Variants in CNTN4 observed in about 807,000 individuals in gnomAD.
CNTN4 encodes contactin-4.
CNTN4 carries 77 observed loss-of-function variants against 122.5 expected under a neutral mutation model. The ratio of observed to expected loss-of-function variants is 0.63; its 90% CI spans 0.52 to 0.76. The LOEUF is 0.76. Ranked by LOEUF, CNTN4 falls within the 30% of genes least tolerant of loss-of-function variation. The pLI is 0.00. For missense variants in CNTN4, 1,256 were observed against 1,259.1 expected (o/e 1.00, Z 0.04); for synonymous variants, 512 against 447.0 (o/e 1.15, Z -1.83).
chr3:2,119,796 G>A (rs1443391315), intron 2 of CNTN4, among the ~76,000 whole-genome samples: 2 of 151,652 alleles, frequency 1.3e-5, no homozygotes, highest in African/African-American at 4.9e-5. Context: ...GAAAAGAAGT[G>A]GATATGGAAC....
chr3:2,561,513 C>T (rs2078953283), intron 3 of CNTN4, among the ~76,000 whole-genome samples: 2 of 152,120 alleles, frequency 1.3e-5, no homozygotes, highest in South Asian at 4.1e-4. Flanking sequence ...CCCCCTTTGG[C>T]ACGGTGTGCT....
At chr3:2,412,238 A>C (rs541414897) in intron 3 of CNTN4, among the ~76,000 whole-genome samples, 1 of 152,050 alleles carries the variant, frequency 6.6e-6, no homozygotes, top group Non-Finnish European at 1.5e-5. Flanking sequence ...ATATAACTGA[A>C]GCAAATTTAC....
intron 4 of CNTN4, among the ~76,000 whole-genome samples, chr3:2,621,537 A>G (rs1170612260): frequency 6.6e-6 from 1 of 152,022 alleles, no homozygotes; most frequent in African/African-American, 2.4e-5. Context: ...TAGGAGAAAT[A>G]CCTAATGTAG....
intron 4 of CNTN4, among the ~76,000 whole-genome samples, chr3:2,609,811 TA>T (rs2081406552): frequency 6.6e-6 from 1 of 152,208 alleles, no homozygotes; most frequent in African/African-American, 2.4e-5. Context: ...AATTTTCAAA[TA>T]AATTTTTTAC....
At position 2,721,848 on chromosome 3, in the gene CNTN4, A is replaced by T. The variant is rs528696291; in HGVS notation, c.56-14367A>T. 4.6e-5 allele frequency among the ~76,000 whole-genome samples: 7 copies of T among 152,290 alleles called. 1 individual carries two copies. The South Asian group carries it at 1.2e-3, about 27-fold the overall frequency. ...TCATATGTTGAAATCCTAACCCTGAAGGTTGGGCCTTTGGGAAGGGATTAA... is the reference window on the plus strand; with the variant it reads ...TCATATGTTGAAATCCTAACCCTGATGGTTGGGCCTTTGGGAAGGGATTAA... On this transcript the variant is annotated intron_variant, in intron 4 of 24. Transcript: ENST00000418658.
At chr3:2,504,748 C>T (rs2076688744) in intron 3 of CNTN4, among the ~76,000 whole-genome samples, 1 of 152,160 alleles carries the variant, frequency 6.6e-6, no homozygotes, top group African/African-American at 2.4e-5. Context: ...ACCATACCTT[C>T]CTCCTCTATG....
At chr3:2,774,824 T>C (rs1272793192) in intron 6 of CNTN4, among the ~76,000 whole-genome samples, 1 of 152,248 alleles carries the variant, frequency 6.6e-6, no homozygotes, top group African/African-American at 2.4e-5. Context: ...TGTTTTCTTA[T>C]TTGTATTAAC....
chr3:2,991,414 T>C (rs886495174), intron 14 of CNTN4, among the ~76,000 whole-genome samples: 1 of 152,140 alleles, frequency 6.6e-6, no homozygotes, highest in Non-Finnish European at 1.5e-5. Context: ...AGTTAGTTTC[T>C]CCACAGAGGT....
intron 24 of CNTN4, 81 bp downstream of exon 24, chr3:3,054,056 A>C: frequency 7.1e-7 from 1 of 1,413,364 alleles, no homozygotes; most frequent in Non-Finnish European, 1.0e-6. Context: ...CTTGAAAGAC[A>C]TTCAGCCTGC....
At chr3:2,293,579 T>C (rs2042206367) in intron 2 of CNTN4, among the ~76,000 whole-genome samples, 1 of 152,194 alleles carries the variant, frequency 6.6e-6, no homozygotes, top group South Asian at 2.1e-4. Context: ...GATTTTGTGA[T>C]ACTAAATGAG....
At chr3:2,606,694 C>T (rs905775355) in intron 4 of CNTN4, among the ~76,000 whole-genome samples, 4 of 152,110 alleles carry the variant, frequency 2.6e-5, no homozygotes, top group East Asian at 1.9e-4. Context: ...CCTGCTTGTT[C>T]GTCAGCATTC....
At chr3:2,409,249 C>CTTTTTTTT (rs372224744) in intron 3 of CNTN4, among the ~76,000 whole-genome samples, 2 of 132,638 alleles carry the variant, frequency 1.5e-5, no homozygotes, top group African/African-American at 2.8e-5. Flanking sequence ...CTTTTCTTTT[C>CTTTTTTTT]TTTTTTTTTT....
intron 4 of CNTN4, among the ~76,000 whole-genome samples, chr3:2,638,992 C>G (rs1221501591): frequency 6.6e-6 from 1 of 152,180 alleles, no homozygotes; most frequent in Non-Finnish European, 1.5e-5. Context: ...CCTCATTGGT[C>G]TGCCTTTTAC....
rs2041957593 is a variant in CNTN4 at position 2,287,640 on chromosome 3, GAAGAAGAAGAAGAAGAAGAAGA to G, written c.-144-51536_-144-51515del. Reference sequence around the variant, plus strand: ...AGAAGGAGAAGGAGAAGGAGAAGAAGAAGAAGAAGAAGAAGAAGAAGAAGAAGAAGAAGAAGAAGAAGAAGAA... The same window carrying G: ...AGAAGGAGAAGGAGAAGGAGAAGAAGAGAAGAAGAAGAAGAAGAAGAAGAA... On this transcript the variant is annotated intron_variant, in intron 2 of 24. Coordinates refer to ENST00000418658, the MANE Select transcript of CNTN4 (RefSeq NM_175607.3). Among the ~76,000 whole-genome samples the G allele has an allele frequency of 3.1e-3, 181 of 58,434 alleles. 7 individuals are homozygous for G. Among genetic ancestry groups the G allele is most frequent in the Non-Finnish European group, 4.1e-3 (118 of 29,020 alleles). 38.3% of individuals were successfully genotyped at this position (58,434 alleles called of 152,430 possible). A position where few individuals can be genotyped will look rare whatever the true frequency, so the allele number is the denominator to read the frequency against.
intron 2 of CNTN4, chr3:2,110,730 C>CT (rs1559250699): frequency 3.8e-5 from 4 of 104,400 alleles, no homozygotes; most frequent in Admixed American, 1.2e-4. Context: ...CCCTCCCCGC[C>CT]TTTTTTTTGG....
rs115998934 is a variant in CNTN4 at position 2,306,051 on chromosome 3, G to A, written c.-144-33127G>A. 5.6e-3 allele frequency among the ~76,000 whole-genome samples: 856 copies of A among 152,226 alleles called. 13 individuals carry two copies. The highest frequency in any genetic ancestry group is 0.02 in the African/African-American group (824 of 41,548). On this transcript the variant is annotated intron_variant, in intron 2 of 24. Coordinates refer to ENST00000418658, the MANE Select transcript of CNTN4 (RefSeq NM_175607.3). Reference sequence around the variant, plus strand: ...CATTCATCATTTGATGGACTTTGGGGTTGTTTTTATTTTTTGTAATTATAA... The same window carrying A: ...CATTCATCATTTGATGGACTTTGGGATTGTTTTTATTTTTTGTAATTATAA...
chr3:2,717,891 G>T (rs1295227772), intron 4 of CNTN4, among the ~76,000 whole-genome samples: 1 of 152,050 alleles, frequency 6.6e-6, no homozygotes, highest in Non-Finnish European at 1.5e-5. Flanking sequence ...TATCTCATTT[G>T]ATTTGCATGT....
chr3:2,918,222 T>C (rs2094390674), intron 12 of CNTN4, among the ~76,000 whole-genome samples: 1 of 152,222 alleles, frequency 6.6e-6, no homozygotes, highest in Non-Finnish European at 1.5e-5. Flanking sequence ...TGAGCCTGCA[T>C]GTCTAGAATA....
intron 12 of CNTN4, among the ~76,000 whole-genome samples, chr3:2,921,271 G>A (rs986038027): frequency 2.0e-5 from 3 of 152,114 alleles, no homozygotes; most frequent in African/African-American, 7.2e-5. Context: ...TCCTGGTTTC[G>A]AGTGATCCTC....
Sources: allele counts gnomAD v4.1 joint callset (sites outside exome capture counted in the v4.1 genomes callset), GRCh38; gene constraint gnomAD v4.1.1; transcripts MANE v1.5; gene names NCBI Gene and HGNC (gene_info 2026-07-23, HGNC 2026-07-21).